The following ARHGAP27 variants were observed in gnomAD, a reference collection of about 807,000 sequenced individuals.
The protein encoded by ARHGAP27 is Rho GTPase activating protein 27, also known as rho GTPase-activating protein 27.
In ARHGAP27, 53 loss-of-function variants were observed where a neutral mutation model predicts 102.0. The ratio of observed to expected loss-of-function variants is 0.52; its 90% CI spans 0.42 to 0.65. The LOEUF (loss-of-function observed/expected upper bound fraction) is 0.65. Among genes scored for constraint, ARHGAP27 ranks in the 30% least tolerant of loss-of-function variants. The pLI is 0.00. For synonymous variants in ARHGAP27, 525 were observed against 542.8 expected (o/e 0.97, Z 0.46); for missense variants, 1,117 against 1,256.2 (o/e 0.89, Z 1.68).
At chr17:45,402,248 C>T (rs2046528869) in intron 12 of ARHGAP27, among the ~76,000 whole-genome samples, 1 of 152,124 alleles carries the variant, frequency 6.6e-6, no homozygotes, top group Admixed American at 6.5e-5. Context: ...AGGGAGCCTC[C>T]TGTCTCTCTC....
chr17:45,428,957 G>GA (rs1013850422), intron 4 of ARHGAP27, among the ~76,000 whole-genome samples: 1 of 152,100 alleles, frequency 6.6e-6, no homozygotes, highest in Non-Finnish European at 1.5e-5. Context: ...TGAAGAGGGG[G>GA]AAAAAAACAA....
chr17:45,430,497 A>C lies in ARHGAP27; in HGVS notation c.-18-200T>G, dbSNP rs958035717. On this transcript the variant is annotated intron_variant, in intron 3 of 19. Coordinates refer to ENST00000685559, the MANE Select transcript of ARHGAP27 (RefSeq NM_001282290.2). This position sits in a 1 kb window ranked among gnomAD's most constrained non-coding sequence, Gnocchi z 4.4. Reference sequence around the variant, plus strand: ...CATTCTTACACTCAGTGCTGGAATTAGGACAGCCCTTCGTTCTGTGGGGTT... The same window carrying C: ...CATTCTTACACTCAGTGCTGGAATTCGGACAGCCCTTCGTTCTGTGGGGTT... Among the ~76,000 whole-genome samples the C allele has an allele frequency of 2.0e-5, 3 of 152,206 alleles. No homozygotes were observed. The highest frequency in any genetic ancestry group is 7.2e-5 in the African/African-American group (3 of 41,452).
Position 45,430,633 on chromosome 17 carries a change from C to G in ARHGAP27, c.-18-336G>C, listed in dbSNP as rs930743197. On this transcript the variant is annotated intron_variant, in intron 3 of 19. Coordinates refer to ENST00000685559, the MANE Select transcript of ARHGAP27 (RefSeq NM_001282290.2). The surrounding 1 kb of genome is among the most constrained non-coding windows in gnomAD (Gnocchi z 4.4). ...GGCTTTAAAACGAGGGGTGATTGCC[C>G]GCTCTAAGGTCGACACCACGCTTGC... Among the ~76,000 whole-genome samples, 2 of 152,242 alleles carry G rather than the reference C, an allele frequency of 1.3e-5. No homozygotes were observed. The highest frequency in any genetic ancestry group is 1.9e-4 in the East Asian group (1 of 5,178).
chr17:45,414,161 G>A (rs1482719288), intron 4 of ARHGAP27, among the ~76,000 whole-genome samples: 2 of 151,554 alleles, frequency 1.3e-5, no homozygotes, highest in Non-Finnish European at 2.9e-5. Flanking sequence ...GAAGGCTGTA[G>A]GGATGAGCCA....
chr17:45,403,850 C>G, intron 10 of ARHGAP27, 141 bp from the exon 11 acceptor site: 2 of 976,226 alleles, frequency 2.0e-6, no homozygotes, highest in Non-Finnish European at 3.1e-6. Flanking sequence ...CCGACTCTAA[C>G]ACCTAGCAGC....
rs865937635 is a variant in ARHGAP27 at position 45,429,691 on chromosome 17, C to T, written c.589G>A (p.Asp197Asn). Reference sequence around the variant, plus strand: ...ATGACCTCGTAGACGTTCTCTGAGTCGCTGCGCGCCAGAGGCCGCGGGCAC... The same window carrying T: ...ATGACCTCGTAGACGTTCTCTGAGTTGCTGCGCGCCAGAGGCCGCGGGCAC... ...WVCPRPLARS[D>N]SENVYEVIQD... The change falls in exon 4 of 20, where the codon GAC becomes AAC. Residue 197 changes from aspartate to asparagine, a missense_variant. By Grantham distance (23) the Asp-to-Asn change is conservative. Transcript: ENST00000685559. The T allele has an allele frequency of 1.9e-6, 3 of 1,566,094 alleles. No homozygotes were observed. The African/African-American group carries it at 4.1e-5, about 21-fold the overall frequency.
rs996172653 is a variant in ARHGAP27, at chr17:45,429,612, C to T, written c.657+11G>A. On this transcript the variant is annotated intron_variant, in intron 4 of 19. Coordinates refer to ENST00000685559, the MANE Select transcript of ARHGAP27 (RefSeq NM_001282290.2). ...CCACCCGCCTCCGCGCCCCAGCGCCCGGGGAGGTACCTGCTCTGCGCTCTC... is the reference window on the plus strand; with the variant it reads ...CCACCCGCCTCCGCGCCCCAGCGCCTGGGGAGGTACCTGCTCTGCGCTCTC... 1 of 1,575,910 alleles carries T rather than the reference C, an allele frequency of 6.3e-7. No homozygotes were observed.
chr17:45,404,251 G>A lies in ARHGAP27; in HGVS notation c.1479+18C>T. 5 of 1,613,648 alleles carry A rather than the reference G, an allele frequency of 3.1e-6. No individual in the cohort carries two copies. The highest frequency in any genetic ancestry group is 4.2e-6 in the Non-Finnish European group (5 of 1,179,864). ...CGCCAGCACCACCACCTGGCTGGGGGTAGGGGGTGATGCCTACCCTCACAG... is the reference window on the plus strand; with the variant it reads ...CGCCAGCACCACCACCTGGCTGGGGATAGGGGGTGATGCCTACCCTCACAG... On this transcript the variant is annotated intron_variant, in intron 9 of 19. Transcript: ENST00000685559.
chr17:45,403,967 G>T (rs1318210402), intron 10 of ARHGAP27, 62 bp downstream of exon 10: 1 of 1,553,558 alleles, frequency 6.4e-7, no homozygotes, highest in Non-Finnish European at 8.9e-7. Flanking sequence ...TACAGGAAGT[G>T]CTCAGTGAAC....
In ARHGAP27 at chr17:45,396,478, C is replaced by T. The variant is rs1310266523; in HGVS notation, c.2173+9G>A. The stretch of plus-strand genomic sequence containing the variant: ...ATGCCTGCCGCCCTCACCCCCGCAG[C>T]GCACGTACCGCGGGCCTCGACGGCG... On this transcript the variant is annotated intron_variant, in intron 16 of 19. Coordinates refer to ENST00000685559, the MANE Select transcript of ARHGAP27 (RefSeq NM_001282290.2). 6 of 1,527,226 alleles carry T rather than the reference C, an allele frequency of 3.9e-6. No individual in the cohort carries two copies. Among genetic ancestry groups the T allele is most frequent in the South Asian group, 3.6e-5 (3 of 83,182 alleles). 94.6% of individuals were successfully genotyped at this position (1,527,226 alleles called of 1,614,324 possible). A position where few individuals can be genotyped will look rare whatever the true frequency, so the allele number is the denominator to read the frequency against.
intron 4 of ARHGAP27, among the ~76,000 whole-genome samples, chr17:45,414,224 C>T (rs116908714): frequency 4.1e-3 from 628 of 152,256 alleles, no homozygotes; most frequent in Non-Finnish European, 5.3e-3. Flanking sequence ...CTGCCCTCCC[C>T]CTCAAACGTA....
intron 10 of ARHGAP27, 55 bp downstream of exon 10, chr17:45,403,974 G>A: frequency 1.3e-6 from 2 of 1,582,044 alleles, no homozygotes; most frequent in Non-Finnish European, 1.7e-6. Context: ...AGTGCTCAGT[G>A]AACATCGTCA....
chr17:45,396,310 C>A (rs1420403606), intron 16 of ARHGAP27, 26 bp from the exon 17 acceptor site: 1 of 1,592,588 alleles, frequency 6.3e-7, no homozygotes, highest in East Asian at 2.2e-5. Context: ...GCGCTGATCC[C>A]GGGTTCAGGG....
chr17:45,404,582 C>T lies in ARHGAP27; in HGVS notation c.1329+19G>A, dbSNP rs368077354. On this transcript the variant is annotated intron_variant, in intron 7 of 19. Coordinates refer to ENST00000685559, the MANE Select transcript of ARHGAP27 (RefSeq NM_001282290.2). Reference sequence around the variant, plus strand: ...TCTCTTCCTCTCTCCCCAACACCCCCCTTTCCCCAGGTTGTTACCTGGGGC... The same window carrying T: ...TCTCTTCCTCTCTCCCCAACACCCCTCTTTCCCCAGGTTGTTACCTGGGGC... 8 of 1,613,980 alleles carry T rather than the reference C, an allele frequency of 5.0e-6. No homozygotes were observed. In the South Asian group the frequency reaches 7.7e-5, roughly 16 times the overall value.
At chr17:45,406,155 G>A in intron 4 of ARHGAP27, 72 bp from the exon 5 acceptor site, 1 of 1,407,494 alleles carries the variant, frequency 7.1e-7, no homozygotes, top group Non-Finnish European at 9.3e-7. Context: ...TCCCCTCTGG[G>A]CAGTGCGATT....
Position 45,405,903 on chromosome 17 carries a change from C to G in ARHGAP27, c.838G>C (p.Glu280Gln), listed in dbSNP as rs1490955606. The G allele has an allele frequency of 6.5e-7, 1 of 1,535,976 alleles. No homozygotes were observed. Among genetic ancestry groups the G allele is most frequent in the Admixed American group, 2.0e-5 (1 of 51,000 alleles). ...GGGCTGGCGGCACCCTCGGCAGCCTCAAAGGGCGACTCCCAGGTGGTAACT... is the reference window on the plus strand; with the variant it reads ...GGGCTGGCGGCACCCTCGGCAGCCTGAAAGGGCGACTCCCAGGTGGTAACT... ...TGVTTWESPF[E>Q]AAEGAASPAT... The change falls in exon 5 of 20, where the codon GAG becomes CAG. Residue 280 changes from glutamate to glutamine, a missense_variant. Coordinates refer to ENST00000685559, the MANE Select transcript of ARHGAP27 (RefSeq NM_001282290.2).
intron 4 of ARHGAP27, among the ~76,000 whole-genome samples, chr17:45,417,853 A>T (rs2048626253): frequency 6.6e-6 from 1 of 151,946 alleles, no homozygotes; most frequent in African/African-American, 2.4e-5. Context: ...GGAGATCGAG[A>T]CCATCATGGC....
intron 4 of ARHGAP27, among the ~76,000 whole-genome samples, chr17:45,426,790 G>C (rs563441411): frequency 1.5e-4 from 23 of 151,928 alleles, no homozygotes; most frequent in African/African-American, 5.6e-4. Flanking sequence ...CACTCAATTC[G>C]CACCCTCACT....
intron 4 of ARHGAP27, among the ~76,000 whole-genome samples, chr17:45,425,015 T>A (rs1368114155): frequency 1.5e-4 from 2 of 13,542 alleles, no homozygotes; most frequent in Non-Finnish European, 2.9e-4. Context: ...AGCCAGGGGG[T>A]GCGGGGGGTG....
Sources: gnomAD v4.1 joint callset for allele counts (sites outside exome capture counted in the v4.1 genomes callset) on GRCh38, gnomAD v4.1.1 for gene constraint, Gnocchi (gnomAD v3.1) non-coding constraint, MANE v1.5 for transcripts, NCBI Gene and HGNC (gene_info 2026-07-23, HGNC 2026-07-21) for gene names.